The following CREB5 variants were observed in gnomAD, a reference collection of about 807,000 sequenced individuals.
CREB5 encodes the protein cAMP responsive element binding protein 5, also known as cyclic AMP-responsive element-binding protein 5.
A neutral mutation model predicts 57.1 loss-of-function variants in CREB5; 19 were observed. The ratio of observed to expected loss-of-function variants is 0.33; its 90% CI spans 0.23 to 0.49. The LOEUF (loss-of-function observed/expected upper bound fraction) is 0.49. Ranked by LOEUF, CREB5 falls within the 20% of genes least tolerant of loss-of-function variation. CREB5 has a pLI of 0.99. For synonymous variants in CREB5, 238 were observed against 238.3 expected (o/e 1.00, Z 0.01); for missense variants, 579 against 671.6 (o/e 0.86, Z 1.52).
chr7:28,753,036 A>G (rs1805077621), intron 7 of CREB5, among the ~76,000 whole-genome samples: 1 of 152,176 alleles, frequency 6.6e-6, no homozygotes, highest in Admixed American at 6.5e-5. Context: ...TGCCATACAC[A>G]TGATTCCACT....
intron 5 of CREB5, among the ~76,000 whole-genome samples, chr7:28,629,393 T>C (rs1361565426): frequency 6.6e-6 from 1 of 152,212 alleles, no homozygotes; most frequent in Non-Finnish European, 1.5e-5. Flanking sequence ...AGCCAAGCTG[T>C]TCAGCTGCTG....
At chr7:28,422,519 CAT>C (rs1005259750) in intron 1 of CREB5, among the ~76,000 whole-genome samples, 1 of 152,114 alleles carries the variant, frequency 6.6e-6, no homozygotes, top group Non-Finnish European at 1.5e-5. Flanking sequence ...ATAAAAATAA[CAT>C]ATAGGCAAAT....
At chr7:28,368,017 T>C (rs1476208372) in intron 1 of CREB5, among the ~76,000 whole-genome samples, 2 of 152,164 alleles carry the variant, frequency 1.3e-5, no homozygotes, top group African/African-American at 2.4e-5. Flanking sequence ...CTATGCTCCA[T>C]AAAGCAGCCA....
chr7:28,689,393 G>A lies in CREB5; in HGVS notation c.465-29360G>A, dbSNP rs554611465. Among the ~76,000 whole-genome samples, 3 of 152,220 alleles carry A rather than the reference G, an allele frequency of 2.0e-5. No individual in the cohort carries two copies. In the East Asian group the frequency reaches 5.8e-4, roughly 29 times the overall value. Reference sequence around the variant, plus strand: ...TGAGGCAGGAGAATGGTGTGAACCTGGGAGGCGGAGCTTGCAGTAAGCCGA... The same window carrying A: ...TGAGGCAGGAGAATGGTGTGAACCTAGGAGGCGGAGCTTGCAGTAAGCCGA... On this transcript the variant is annotated intron_variant, in intron 5 of 10. Transcript: ENST00000357727.
chr7:28,382,521 T>C (rs951113931), intron 1 of CREB5, among the ~76,000 whole-genome samples: 6 of 152,182 alleles, frequency 3.9e-5, no homozygotes, highest in Non-Finnish European at 8.8e-5. Flanking sequence ...TGCATTTTTT[T>C]CCGTGAGCAT....
At chr7:28,785,816 A>G (rs1006284618) in intron 7 of CREB5, among the ~76,000 whole-genome samples, 1 of 152,172 alleles carries the variant, frequency 6.6e-6, no homozygotes, top group Non-Finnish European at 1.5e-5. Context: ...GCTCCAGGAC[A>G]TTCACACCTC....
At chr7:28,522,003 A>G (rs1793225041) in intron 4 of CREB5, among the ~76,000 whole-genome samples, 2 of 152,214 alleles carry the variant, frequency 1.3e-5, no homozygotes, top group South Asian at 2.1e-4. Flanking sequence ...AAAATTCACC[A>G]TCATTCCTTG....
At chr7:28,753,378 A>C (rs1805093716) in intron 7 of CREB5, among the ~76,000 whole-genome samples, 1 of 151,860 alleles carries the variant, frequency 6.6e-6, no homozygotes, top group African/African-American at 2.4e-5. Context: ...TCGTGCATGC[A>C]TACACACACA....
At chr7:28,650,600 A>C (rs1278768347) in intron 5 of CREB5, among the ~76,000 whole-genome samples, 2 of 151,828 alleles carry the variant, frequency 1.3e-5, no homozygotes, top group Non-Finnish European at 2.9e-5. Context: ...TTCCCCCCCC[A>C]ACCTTCCATA....
At chr7:28,713,782 G>T (rs1044992855) in intron 5 of CREB5, among the ~76,000 whole-genome samples, 2 of 152,098 alleles carry the variant, frequency 1.3e-5, no homozygotes, top group African/African-American at 4.8e-5. Context: ...GAAATGGAGA[G>T]CCTGAAAGTT....
chr7:28,485,427 T>C (rs1355249250), intron 1 of CREB5, among the ~76,000 whole-genome samples: 59 of 152,148 alleles, frequency 3.9e-4, no homozygotes, highest in Non-Finnish European at 7.4e-5. Context: ...CTTAGGCAAA[T>C]AAAATAGTAC....
chr7:28,560,807 CGCGTGTGTGT>C (rs1463375579), intron 4 of CREB5, among the ~76,000 whole-genome samples: 2 of 15,110 alleles, frequency 1.3e-4, no homozygotes, highest in East Asian at 3.2e-3. Context: ...AGTGTGTGTG[CGCGTGTGTGT>C]GTGTGCGCGC....
Position 28,453,492 on chromosome 7 carries a change from A to G in CREB5, c.4-34683A>G, listed in dbSNP as rs182908099. 1.3e-3 allele frequency among the ~76,000 whole-genome samples: 195 copies of G among 152,324 alleles called. 2 individuals are homozygous for G. The highest frequency in any genetic ancestry group is 4.5e-3 in the African/African-American group (187 of 41,590). ...AGAGACATTTAGTTTATACATATAA[A>G]ATTGACTTATCTTCTCATATGATTT... On this transcript the variant is annotated intron_variant, in intron 1 of 10. Transcript: ENST00000357727.
At chr7:28,460,621 A>C (rs150576042) in intron 1 of CREB5, among the ~76,000 whole-genome samples, 203 of 152,326 alleles carry the variant, frequency 1.3e-3, no homozygotes, top group Non-Finnish European at 2.5e-3. Context: ...GGTATCCATC[A>C]TGAAGATGGT....
chr7:28,768,423 A>C (rs1174290164), intron 7 of CREB5, among the ~76,000 whole-genome samples: 2 of 152,232 alleles, frequency 1.3e-5, no homozygotes, highest in Non-Finnish European at 2.9e-5. Flanking sequence ...TGTCACAAAA[A>C]AAAGGATGAT....
At chr7:28,584,742 A>G (rs1796247633) in intron 5 of CREB5, among the ~76,000 whole-genome samples, 1 of 152,128 alleles carries the variant, frequency 6.6e-6, no homozygotes, top group African/African-American at 2.4e-5. Flanking sequence ...GTCTCCATGT[A>G]ATTATGGATC....
At chr7:28,445,699 C>T (rs979628874) in intron 1 of CREB5, among the ~76,000 whole-genome samples, 1 of 151,992 alleles carries the variant, frequency 6.6e-6, no homozygotes, top group Non-Finnish European at 1.5e-5. Context: ...CTACAGGCGC[C>T]CGCCACCACG....
rs149822636 is a variant in CREB5, at chr7:28,399,874, G to A, written c.-24-95032G>A. 2.2e-3 allele frequency among the ~76,000 whole-genome samples: 333 copies of A among 151,936 alleles called. 1 individual carries two copies. In the Middle Eastern group the frequency reaches 0.048, roughly 22 times the overall value. ...GTTCGAGACCAGCCTGACCAACATG[G>A]TGAAACCCTGTCTCCACTAAAAAAA... On this transcript the variant is annotated intron_variant, in intron 1 of 9. Coordinates refer to the CREB5 transcript ENST00000396299.
intron 1 of CREB5, among the ~76,000 whole-genome samples, chr7:28,328,775 A>G (rs1248624864): frequency 1.3e-5 from 2 of 152,154 alleles, no homozygotes; most frequent in Non-Finnish European, 2.9e-5. Context: ...TGTGCTTAGG[A>G]TGGGGCTCAG....
Sources: gnomAD v4.1 joint callset for allele counts (sites outside exome capture counted in the v4.1 genomes callset) on GRCh38, gnomAD v4.1.1 for gene constraint, MANE v1.5 for transcripts, NCBI Gene and HGNC (gene_info 2026-07-23, HGNC 2026-07-21) for gene names.